Variants in CDK5RAP2 observed in about 807,000 individuals in gnomAD.
CDK5RAP2 encodes the protein CDK5 regulatory subunit associated protein 2.
Under a neutral mutation model 232.9 loss-of-function variants are expected in CDK5RAP2, and 147 were observed. The observed-to-expected ratio is 0.63, with a 90% CI of 0.55 to 0.72. The LOEUF (loss-of-function observed/expected upper bound fraction) is 0.72. Among genes scored for constraint, CDK5RAP2 ranks in the 30% least tolerant of loss-of-function variants. The probability of loss-of-function intolerance (pLI) is 0.00; values close to 1 mark genes in which losing one functional copy is unlikely to be tolerated. For synonymous variants in CDK5RAP2, 833 were observed against 833.7 expected (o/e 1.00, Z 0.01); for missense variants, 2,195 against 2,231.5 (o/e 0.98, Z 0.33).
chr9:120,459,286 G>C lies in CDK5RAP2; in HGVS notation c.2203-664C>G, dbSNP rs115697890. Among the ~76,000 whole-genome samples the C allele has an allele frequency of 6.6e-3, 999 of 152,230 alleles. 15 individuals carry two copies. Among genetic ancestry groups the C allele is most frequent in the African/African-American group, 0.023 (949 of 41,538 alleles). On this transcript the variant is annotated intron_variant, in intron 19 of 37. Coordinates refer to ENST00000349780, the MANE Select transcript of CDK5RAP2 (RefSeq NM_018249.6). ...GGTATCAAAGATGCATCTAGTTAAA[G>C]CCTGTACTGGGCATGTCTTTGAGGT...
intron 36 of CDK5RAP2, chr9:120,390,081 T>G: frequency 2.7e-6 from 1 of 366,150 alleles, no homozygotes; most frequent in Non-Finnish European, 5.2e-6. Flanking sequence ...CCTACAGCTG[T>G]GCACGGCCAC....
rs2034036021 is a variant in CDK5RAP2 at position 120,413,850 on chromosome 9, G to GGA, written c.4297+1189_4297+1190insTC. On this transcript the variant is annotated intron_variant, in intron 28 of 37. Transcript: ENST00000349780. ...GAGGGAGGAGGGAGGAGGGAAGGAGGAGGGAGGGAGAGGGCGAGATGGAGC... is the reference window on the plus strand; with the variant it reads ...GAGGGAGGAGGGAGGAGGGAAGGAGGGAAGGGAGGGAGAGGGCGAGATGGAGC... Among the ~76,000 whole-genome samples, 7 of 151,934 alleles carry GGA rather than the reference G, an allele frequency of 4.6e-5. No homozygotes were observed. In the South Asian group the frequency reaches 1.5e-3, roughly 32 times the overall value.
intron 1 of CDK5RAP2, among the ~76,000 whole-genome samples, chr9:120,576,990 T>TTTA (rs2043056495): frequency 1.3e-5 from 2 of 152,188 alleles, no homozygotes; most frequent in Admixed American, 1.3e-4. Context: ...GAGGACATAA[T>TTTA]GCTAAGTTAA....
At chr9:120,439,366 C>A in intron 24 of CDK5RAP2, 33 bp downstream of exon 24, 1 of 1,576,122 alleles carries the variant, frequency 6.3e-7, no homozygotes, top group South Asian at 1.1e-5. Flanking sequence ...GGACTACAGG[C>A]TTAAACGGGG....
chr9:120,538,807 T>C (rs2041503896), intron 6 of CDK5RAP2, among the ~76,000 whole-genome samples: 1 of 152,230 alleles, frequency 6.6e-6, no homozygotes, highest in Admixed American at 6.5e-5. Flanking sequence ...CTTCTCTCTG[T>C]ATCTCAGGGA....
intron 14 of CDK5RAP2, 36 bp from the exon 15 acceptor site, chr9:120,477,486 G>T (rs752115500): frequency 4.1e-6 from 6 of 1,468,604 alleles, no homozygotes; most frequent in South Asian, 1.1e-5. Context: ...ATTAAGGAAA[G>T]AATTTTGAAA....
At chr9:120,454,866 T>C (rs1363879708) in intron 20 of CDK5RAP2, among the ~76,000 whole-genome samples, 2 of 152,220 alleles carry the variant, frequency 1.3e-5, no homozygotes, top group East Asian at 1.9e-4. Flanking sequence ...TGCACCCTTA[T>C]TGACTTTGCT....
At chr9:120,561,254 A>C (rs140351997) in intron 3 of CDK5RAP2, among the ~76,000 whole-genome samples, 1 of 152,212 alleles carries the variant, frequency 6.6e-6, no homozygotes, top group Admixed American at 6.5e-5. Flanking sequence ...AATCATCAAG[A>C]AAACTGTTAC....
chr9:120,518,667 C>A, intron 11 of CDK5RAP2, 22 bp from the exon 12 acceptor site: 1 of 1,598,420 alleles, frequency 6.3e-7, no homozygotes, highest in Non-Finnish European at 8.6e-7. Context: ...GGCAGAGAAG[C>A]AAGATGAGCT....
At chr9:120,492,446 G>A (rs1469716821) in intron 12 of CDK5RAP2, among the ~76,000 whole-genome samples, 1 of 152,142 alleles carries the variant, frequency 6.6e-6, no homozygotes, top group Non-Finnish European at 1.5e-5. Flanking sequence ...GAGAGAACAA[G>A]GTAGAAGGGA....
chr9:120,482,753 G>A (rs1223479346), intron 14 of CDK5RAP2, among the ~76,000 whole-genome samples: 1 of 152,204 alleles, frequency 6.6e-6, no homozygotes, highest in African/African-American at 2.4e-5. Context: ...GGTAAGAGGG[G>A]AACTCAGAGA....
intron 25 of CDK5RAP2, among the ~76,000 whole-genome samples, chr9:120,426,942 G>A (rs1211873987): frequency 6.6e-6 from 1 of 152,160 alleles, no homozygotes; most frequent in Non-Finnish European, 1.5e-5. Context: ...AGAGTATAAT[G>A]AGGCATGTCT....
rs2035673646 is a variant in CDK5RAP2, at chr9:120,437,817, TC to T, written c.3723-291del. Among the ~76,000 whole-genome samples, 3 of 152,132 alleles carry T rather than the reference TC, an allele frequency of 2.0e-5. No homozygotes were observed. The South Asian group carries it at 6.2e-4, about 32-fold the overall frequency. ...CAAACAATAAGTTTCCATACACTCT[TC>T]AAAAATACTATTCTGAATTGTAGAA... On this transcript the variant is annotated intron_variant, in intron 24 of 37. Coordinates refer to ENST00000349780, the MANE Select transcript of CDK5RAP2 (RefSeq NM_018249.6).
At chr9:120,565,206 C>A (rs893927515) in intron 3 of CDK5RAP2, among the ~76,000 whole-genome samples, 19 of 152,180 alleles carry the variant, frequency 1.2e-4, no homozygotes, top group African/African-American at 3.9e-4. Flanking sequence ...TTCAGAGTCC[C>A]CACATGTCAA....
At chr9:120,465,641 C>T (rs546738050) in intron 18 of CDK5RAP2, among the ~76,000 whole-genome samples, 37 of 151,922 alleles carry the variant, frequency 2.4e-4, no homozygotes, top group Middle Eastern at 3.4e-3. Flanking sequence ...AAATTTTATG[C>T]CTATTGCATA....
At position 120,399,661 on chromosome 9, in the gene CDK5RAP2, G is replaced by A. The variant is rs115703685; in HGVS notation, c.5451+1081C>T. Among the ~76,000 whole-genome samples the A allele has an allele frequency of 4.5e-4, 69 of 152,314 alleles. 1 individual carries two copies. The highest frequency in any genetic ancestry group is 1.5e-3 in the African/African-American group (63 of 41,576). On this transcript the variant is annotated intron_variant, in intron 35 of 37. Coordinates refer to ENST00000349780, the MANE Select transcript of CDK5RAP2 (RefSeq NM_018249.6). ...AGCCTAAGATGGAACAGGACCTGGT[G>A]GATTAGAAGAAGGGAAAGACCAATG...
chr9:120,550,978 G>T (rs73660580), intron 3 of CDK5RAP2, 76 bp from the exon 4 acceptor site: 27 of 831,714 alleles, frequency 3.2e-5, no homozygotes, highest in Non-Finnish European at 5.5e-5. Context: ...TACATTAGTC[G>T]CTATGGATTA....
At chr9:120,560,921 T>C (rs919943245) in intron 3 of CDK5RAP2, among the ~76,000 whole-genome samples, 3 of 152,088 alleles carry the variant, frequency 2.0e-5, no homozygotes, top group Admixed American at 2.0e-4. Context: ...CCAGCCGATA[T>C]TGTCTATCTT....
chr9:120,579,851 C>T lies in CDK5RAP2; in HGVS notation c.59+69G>A, dbSNP rs1317466308. 105 of 1,291,376 alleles carry T rather than the reference C, an allele frequency of 8.1e-5. No homozygotes were observed. In the East Asian group the frequency reaches 2.3e-3, roughly 28 times the overall value. 80.0% of individuals were successfully genotyped at this position (1,291,376 alleles called of 1,614,324 possible). A position where few individuals can be genotyped will look rare whatever the true frequency, so the allele number is the denominator to read the frequency against. ...CCCTCAAGAGCAAACCCCAAGGCCG[C>T]GTTAGAACGAAATCCCACCAGCTGG... On this transcript the variant is annotated intron_variant, in intron 1 of 37. Transcript: ENST00000349780.
Sources: allele counts gnomAD v4.1 joint callset (sites outside exome capture counted in the v4.1 genomes callset), GRCh38; gene constraint gnomAD v4.1.1; transcripts MANE v1.5; gene names NCBI Gene and HGNC (gene_info 2026-07-23, HGNC 2026-07-21).